CPQ: variants seen among roughly 807,000 people sequenced by gnomAD.
CPQ encodes carboxypeptidase Q.
CPQ carries 37 observed loss-of-function variants against 45.7 expected under a neutral mutation model. The ratio of observed to expected loss-of-function variants is 0.81; its 90% CI spans 0.62 to 1.07. The LOEUF (loss-of-function observed/expected upper bound fraction) is 1.07. Ranked by LOEUF, CPQ falls within the 50% of genes least tolerant of loss-of-function variation. The pLI is 0.00. For synonymous variants in CPQ, 186 were observed against 205.8 expected (o/e 0.90, Z 0.82); for missense variants, 537 against 572.9 (o/e 0.94, Z 0.64).
chr8:96,799,590 G>A (rs1810980432), intron 2 of CPQ, among the ~76,000 whole-genome samples: 2 of 152,158 alleles, frequency 1.3e-5, no homozygotes, highest in South Asian at 4.1e-4. Flanking sequence ...TGACTACAAA[G>A]TGTCAGAGGT....
At chr8:96,782,517 G>A (rs1214714496) in intron 1 of CPQ, among the ~76,000 whole-genome samples, 1 of 152,140 alleles carries the variant, frequency 6.6e-6, no homozygotes, top group Non-Finnish European at 1.5e-5. Context: ...GATCCCTGAA[G>A]TGCCTTTGCG....
intron 4 of CPQ, among the ~76,000 whole-genome samples, chr8:96,886,564 A>G (rs1223581680): frequency 6.6e-6 from 1 of 152,212 alleles, no homozygotes; most frequent in Non-Finnish European, 1.5e-5. Flanking sequence ...GAGAGTAGGG[A>G]TCCTAGAGAT....
At position 96,854,548 on chromosome 8, in the gene CPQ, A is replaced by AC. The variant is rs1563513668; in HGVS notation, c.641+19368_641+19369insC. Among the ~76,000 whole-genome samples, 264 of 119,070 alleles carry AC rather than the reference A, an allele frequency of 2.2e-3. 26 individuals carry two copies. Among genetic ancestry groups the AC allele is most frequent in the African/African-American group, 6.0e-3 (193 of 32,282 alleles). 78.1% of individuals were successfully genotyped at this position (119,070 alleles called of 152,430 possible). A position where few individuals can be genotyped will look rare whatever the true frequency, so the allele number is the denominator to read the frequency against. On this transcript the variant is annotated intron_variant, in intron 3 of 7. Coordinates refer to ENST00000220763, the MANE Select transcript of CPQ (RefSeq NM_016134.4). ...TCCGTCTCAAAAAAAAAAAAAAAAA[A>AC]AAAAAAAAAAATGTGGTGGAACTAA... is the stretch of plus-strand genomic sequence containing the variant.
At position 96,696,184 on chromosome 8, in the gene CPQ, C is replaced by T. The variant is rs960744247; in HGVS notation, c.-35+50782C>T. Among the ~76,000 whole-genome samples the T allele has an allele frequency of 1.3e-4, 20 of 151,536 alleles. No individual in the cohort carries two copies. In the South Asian group the frequency reaches 1.7e-3, roughly 13 times the overall value. On this transcript the variant is annotated intron_variant, in intron 1 of 7. Transcript: ENST00000220763. Reference sequence around the variant, plus strand: ...GAAATCATCATTCTCAGTAAACTATCGCAAGAACAAAAAACCAAACACCGC... The same window carrying T: ...GAAATCATCATTCTCAGTAAACTATTGCAAGAACAAAAAACCAAACACCGC...
intron 4 of CPQ, among the ~76,000 whole-genome samples, chr8:96,963,512 C>T (rs763569066): frequency 1.8e-4 from 27 of 152,178 alleles, no homozygotes; most frequent in Non-Finnish European, 3.7e-4. Flanking sequence ...TGCAGCTGCT[C>T]AGTGAATCAT....
chr8:96,934,287 C>T (rs537364187), intron 4 of CPQ, among the ~76,000 whole-genome samples: 2 of 152,162 alleles, frequency 1.3e-5, no homozygotes, highest in Non-Finnish European at 2.9e-5. Context: ...AGAGAGATTA[C>T]TGTGTGTTGC....
At chr8:96,944,897 T>C (rs1004853340) in intron 4 of CPQ, among the ~76,000 whole-genome samples, 11 of 152,068 alleles carry the variant, frequency 7.2e-5, no homozygotes, top group African/African-American at 2.7e-4. Context: ...TTTTATGGAT[T>C]GTACTTCCTA....
At chr8:96,929,408 T>C (rs541905884) in intron 4 of CPQ, among the ~76,000 whole-genome samples, 9 of 152,318 alleles carry the variant, frequency 5.9e-5, no homozygotes, top group Admixed American at 2.6e-4. Flanking sequence ...ATGCCCATTA[T>C]CTTTTGACTT....
chr8:96,910,554 G>T (rs192861766), intron 4 of CPQ, among the ~76,000 whole-genome samples: 2 of 152,204 alleles, frequency 1.3e-5, no homozygotes, highest in Admixed American at 1.3e-4. Flanking sequence ...GCCCAGGCTG[G>T]AGTACAGTGG....
intron 4 of CPQ, among the ~76,000 whole-genome samples, chr8:96,934,203 C>A (rs1312238077): frequency 3.9e-5 from 6 of 152,168 alleles, no homozygotes; most frequent in African/African-American, 1.4e-4. Context: ...CCCATCAGTG[C>A]AGAGAGGCCC....
chr8:96,807,592 A>G (rs28561805), intron 2 of CPQ, among the ~76,000 whole-genome samples: 7,547 of 152,232 alleles, frequency 0.05, 227 homozygotes, highest in Middle Eastern at 0.082. Context: ...ATAGAAGCAT[A>G]TTGTATGCAC....
chr8:97,088,338 A>G lies in CPQ; in HGVS notation c.1255+22128A>G, dbSNP rs552893957. 3.3e-4 allele frequency among the ~76,000 whole-genome samples: 51 copies of G among 152,340 alleles called. 1 individual carries two copies. The South Asian group carries it at 3.9e-3, about 12-fold the overall frequency. ...ATTTATACATCTGTAGCACATTTTA[A>G]ACATCTGTGTTCAAGATGACCATTT... On this transcript the variant is annotated intron_variant, in intron 7 of 7. Transcript: ENST00000220763.
chr8:96,854,222 T>C (rs1811809646), intron 3 of CPQ, among the ~76,000 whole-genome samples: 1 of 152,086 alleles, frequency 6.6e-6, no homozygotes, highest in African/African-American at 2.4e-5. Context: ...AAAAGTTGTA[T>C]TGTGTCTTCC....
intron 3 of CPQ, among the ~76,000 whole-genome samples, chr8:96,846,564 C>T (rs912250471): frequency 6.6e-6 from 1 of 151,986 alleles, no homozygotes; most frequent in Non-Finnish European, 1.5e-5. Flanking sequence ...CAATATTTTG[C>T]CACATTTGCT....
chr8:96,927,361 C>T (rs1318645944), intron 4 of CPQ, among the ~76,000 whole-genome samples: 1 of 152,180 alleles, frequency 6.6e-6, no homozygotes, highest in Non-Finnish European at 1.5e-5. Flanking sequence ...CAAGGAAAAT[C>T]TTGGTCCAGC....
chr8:96,652,724 C>T (rs1450528261), intron 1 of CPQ, among the ~76,000 whole-genome samples: 1 of 152,204 alleles, frequency 6.6e-6, no homozygotes, highest in Non-Finnish European at 1.5e-5. Flanking sequence ...GCTCCGCCTC[C>T]CGGGTTCACG....
chr8:97,119,433 T>C (rs191973099), intron 7 of CPQ, among the ~76,000 whole-genome samples: 2 of 140,064 alleles, frequency 1.4e-5, no homozygotes, highest in East Asian at 4.1e-4. Context: ...TGATTCTGTT[T>C]CTTACACTGT....
chr8:96,810,013 A>G (rs1377831099), intron 2 of CPQ, among the ~76,000 whole-genome samples: 1 of 152,054 alleles, frequency 6.6e-6, no homozygotes, highest in African/African-American at 2.4e-5. Flanking sequence ...CCTTATGCTG[A>G]GCACTTGCCT....
At chr8:96,774,158 C>G (rs1810578967) in intron 1 of CPQ, among the ~76,000 whole-genome samples, 1 of 151,894 alleles carries the variant, frequency 6.6e-6, no homozygotes, top group Non-Finnish European at 1.5e-5. Context: ...GTAATCCCAG[C>G]TACTCAGGAG....
Sources: gnomAD v4.1 joint callset for allele counts (sites outside exome capture counted in the v4.1 genomes callset) on GRCh38, gnomAD v4.1.1 for gene constraint, MANE v1.5 for transcripts, NCBI Gene and HGNC (gene_info 2026-07-23, HGNC 2026-07-21) for gene names.